The following LRCH3 variants were observed in gnomAD, a reference collection of about 807,000 sequenced individuals.
The protein encoded by LRCH3 is leucine rich repeats and calponin homology domain containing 3, also known as DISP complex protein LRCH3.
LRCH3 carries 68 observed loss-of-function variants against 104.5 expected under a neutral mutation model. That is an observed-to-expected ratio of 0.65 (90% CI 0.54 to 0.80). LRCH3 has a LOEUF of 0.80. Ranked by LOEUF, LRCH3 falls within the 30% of genes least tolerant of loss-of-function variation. The pLI is 0.00. For synonymous variants in LRCH3, 344 were observed against 361.3 expected (o/e 0.95, Z 0.54); for missense variants, 951 against 953.9 (o/e 1.00, Z 0.04).
At chr3:197,831,276 C>T (rs951194557) in intron 7 of LRCH3, 1 of 153,648 alleles carries the variant, frequency 6.5e-6, no homozygotes, top group African/African-American at 2.4e-5. Flanking sequence ...AACTTCCTGG[C>T]TAATTCTGTC....
At chr3:197,882,820 A>G (rs1473941688) in intron 20 of LRCH3, 1 of 985,306 alleles carries the variant, frequency 1.0e-6, no homozygotes, top group Non-Finnish European at 1.2e-6. Flanking sequence ...TTCCTGCCTA[A>G]GCTTACATAG....
chr3:197,792,217 A>G (rs1309207010), intron 1 of LRCH3, among the ~76,000 whole-genome samples: 1 of 151,918 alleles, frequency 6.6e-6, no homozygotes, highest in Non-Finnish European at 1.5e-5. Context: ...AAAAATAACT[A>G]GAGCCCACTT....
chr3:197,880,001 G>GGACTGCA (rs1713508840), intron 20 of LRCH3, among the ~76,000 whole-genome samples: 1 of 148,592 alleles, frequency 6.7e-6, no homozygotes, highest in Non-Finnish European at 1.5e-5. Flanking sequence ...GCTGGAGTGC[G>GGACTGCA]GTGGCGCGAT....
At chr3:197,855,025 G>T (rs942976050) in intron 14 of LRCH3, among the ~76,000 whole-genome samples, 5 of 152,090 alleles carry the variant, frequency 3.3e-5, no homozygotes, top group Non-Finnish European at 7.4e-5. Context: ...AAGATGGAAG[G>T]TTTATTTAAC....
At chr3:197,823,495 CTT>C (rs910883219) in intron 4 of LRCH3, 2 of 146,118 alleles carry the variant, frequency 1.4e-5, no homozygotes, top group African/African-American at 2.5e-5. Context: ...TCCTTTGACT[CTT>C]TTTTTTTTTG....
rs576222595 is a variant in LRCH3, at chr3:197,842,015, GGA to G, written c.1328+2623_1328+2624del. On this transcript the variant is annotated intron_variant, in intron 10 of 20. Coordinates refer to ENST00000425562, the MANE Select transcript of LRCH3 (RefSeq NM_001365715.1). ...CTCAGCAAATTTTTTGTTATTTTTAGGAGAGACAGAAATCTCCCTATGTTGCC... is the reference window on the plus strand; with the variant it reads ...CTCAGCAAATTTTTTGTTATTTTTAGGAGACAGAAATCTCCCTATGTTGCC... Among the ~76,000 whole-genome samples the G allele has an allele frequency of 5.7e-3, 873 of 152,080 alleles. 9 individuals carry two copies. Among genetic ancestry groups the G allele is most frequent in the African/African-American group, 0.02 (819 of 41,464 alleles).
In LRCH3 at chr3:197,839,383, T is replaced by C. The variant is rs17850206; in HGVS notation, c.1314T>C (p.Tyr438=). The C allele has an allele frequency of 0.35, 559,108 of 1,580,070 alleles. 101,074 individuals carry two copies. Among genetic ancestry groups the C allele is most frequent in the Admixed American group, 0.44 (23,168 of 52,078 alleles). Residue 438 remains tyrosine, a synonymous_variant, in exon 10 of 21, where the codon TAT becomes TAC. Coordinates refer to ENST00000425562, the MANE Select transcript of LRCH3 (RefSeq NM_001365715.1). ...AAAAAACAGAAGATATGAGAAGATATTTACATCAAAACAGGTTTGAAAAAC... is the reference window on the plus strand; with the variant it reads ...AAAAAACAGAAGATATGAGAAGATACTTACATCAAAACAGGTTTGAAAAAC... ...EFQKTEDMRR[Y]LHQNRVPAEP...
intron 17 of LRCH3, among the ~76,000 whole-genome samples, chr3:197,867,771 T>C (rs984231071): frequency 6.6e-6 from 1 of 151,556 alleles, no homozygotes; most frequent in African/African-American, 2.4e-5. Context: ...AGGAGAATGG[T>C]GTGAACCCGG....
At position 197,879,977 on chromosome 3, in the gene LRCH3, G is replaced by T. The variant is rs370035677; in HGVS notation, c.2209-3564G>T. On this transcript the variant is annotated intron_variant, in intron 20 of 20. Coordinates refer to ENST00000425562, the MANE Select transcript of LRCH3 (RefSeq NM_001365715.1). Reference sequence around the variant, plus strand: ...TTTTTTTTTTTTGAGACGGAGTCTCGCTCTGTCACCCAGGCTGGAGTGCGG... The same window carrying T: ...TTTTTTTTTTTTGAGACGGAGTCTCTCTCTGTCACCCAGGCTGGAGTGCGG... Among the ~76,000 whole-genome samples the T allele has an allele frequency of 8.6e-3, 1,256 of 145,880 alleles. 26 individuals carry two copies. Among genetic ancestry groups the T allele is most frequent in the African/African-American group, 0.03 (1,177 of 38,894 alleles).
intron 17 of LRCH3, among the ~76,000 whole-genome samples, chr3:197,869,254 A>ACTGTACCTGCAGGAGGTAGAAAGCGATG (rs1711757545): frequency 2.0e-5 from 2 of 99,030 alleles, no homozygotes; most frequent in African/African-American, 4.4e-5. Flanking sequence ...AGAAAGCGAT[A>ACTGTACCTGCAGGAGGTAGAAAGCGATG]CACTGTACCT....
rs1374132262 is a variant in LRCH3 at position 197,884,876 on chromosome 3, G to T, written c.*1210G>T. On this transcript the variant is annotated 3_prime_UTR_variant, in exon 21 of 21. Coordinates refer to ENST00000425562, the MANE Select transcript of LRCH3 (RefSeq NM_001365715.1). ...GATCCTCCCGCCTCAGCCTCCCAAAGTGCTGGGATTACTGGAGTGAGCCAT... is the reference window on the plus strand; with the variant it reads ...GATCCTCCCGCCTCAGCCTCCCAAATTGCTGGGATTACTGGAGTGAGCCAT... The T allele has an allele frequency of 6.6e-6, 1 of 152,300 alleles. No individual in the cohort carries two copies. Among genetic ancestry groups the T allele is most frequent in the Non-Finnish European group, 1.5e-5 (1 of 68,150 alleles). The allele number at this position is 152,300 out of a possible 1,614,324, so 9.4% of individuals were successfully genotyped here.
At chr3:197,872,999 A>G (rs73089369) in intron 19 of LRCH3, among the ~76,000 whole-genome samples, 21,879 of 152,172 alleles carry the variant, frequency 0.14, 1,949 homozygotes, top group African/African-American at 0.24. Flanking sequence ...TAAAACTGAC[A>G]TGATCTGTGA....
At chr3:197,870,062 A>C in intron 17 of LRCH3, 98 bp from the exon 18 acceptor site, 1 of 1,241,380 alleles carries the variant, frequency 8.1e-7, no homozygotes, top group Non-Finnish European at 1.1e-6. Context: ...GTAGAAAGCC[A>C]TGCACTGCAC....
chr3:197,883,663 T>C lies in LRCH3; in HGVS notation c.2331T>C (p.Val777=). Residue 777 remains valine, a synonymous_variant, in exon 21 of 21, where the codon GTT becomes GTC. Transcript: ENST00000425562. This position sits in a 1 kb window ranked among gnomAD's most constrained non-coding sequence, Gnocchi z 4.2. ...PKQQQHQLSA[V] ...AACAGCAGCACCAGTTATCTGCTGTTTGAGGATCCCCAGGACGGTGGGCAC... is the reference window on the plus strand; with the variant it reads ...AACAGCAGCACCAGTTATCTGCTGTCTGAGGATCCCCAGGACGGTGGGCAC... The C allele has an allele frequency of 6.5e-7, 1 of 1,535,966 alleles. No homozygotes were observed. The highest frequency in any genetic ancestry group is 2.4e-5 in the East Asian group (1 of 40,920).
At chr3:197,824,853 A>G (rs1243071239) in intron 4 of LRCH3, among the ~76,000 whole-genome samples, 1 of 150,630 alleles carries the variant, frequency 6.6e-6, no homozygotes, top group Non-Finnish European at 1.5e-5. Context: ...TACAGGCGTG[A>G]GCCACTGCAC....
At position 197,829,604 on chromosome 3, in the gene LRCH3, A is replaced by T; in HGVS notation, c.818A>T (p.Asn273Ile). 1 of 1,612,878 alleles carries T rather than the reference A, an allele frequency of 6.2e-7. No homozygotes were observed. Among genetic ancestry groups the T allele is most frequent in the South Asian group, 1.1e-5 (1 of 90,614 alleles). The change falls in exon 6 of 21, where the codon AAC becomes ATC. Residue 273 changes from asparagine to isoleucine, a missense_variant. Transcript: ENST00000425562. ...KGKVHIFKYL[N>I]IQACKIAPDL... Reference sequence around the variant, plus strand: ...AAAGTCCACATATTTAAATACCTGAACATACAAGCTTGTAAGATTGCTCCA... The same window carrying T: ...AAAGTCCACATATTTAAATACCTGATCATACAAGCTTGTAAGATTGCTCCA...
intron 5 of LRCH3, among the ~76,000 whole-genome samples, chr3:197,827,482 T>C (rs1160455951): frequency 2.0e-5 from 3 of 152,232 alleles, no homozygotes; most frequent in African/African-American, 7.2e-5. Flanking sequence ...CGCATGGACT[T>C]TTTTTGGACA....
At chr3:197,860,887 C>G (rs554911530) in intron 15 of LRCH3, among the ~76,000 whole-genome samples, 113 of 151,976 alleles carry the variant, frequency 7.4e-4, no homozygotes, top group African/African-American at 2.6e-3. Context: ...ATTTCCTTCC[C>G]CCACCCTCCC....
intron 17 of LRCH3, among the ~76,000 whole-genome samples, chr3:197,867,801 G>C (rs1711529262): frequency 6.6e-6 from 1 of 152,118 alleles, no homozygotes; most frequent in South Asian, 2.1e-4. Context: ...CTTGCAGTGA[G>C]CCGAGATCGC....
Sources: gnomAD v4.1 joint callset for allele counts (sites outside exome capture counted in the v4.1 genomes callset) on GRCh38, gnomAD v4.1.1 for gene constraint, Gnocchi (gnomAD v3.1) non-coding constraint, MANE v1.5 for transcripts, NCBI Gene and HGNC (gene_info 2026-07-23, HGNC 2026-07-21) for gene names.